The following PRIM2 variants were observed in gnomAD, a reference collection of about 807,000 sequenced individuals.
PRIM2 encodes DNA primase subunit 2, also known as DNA primase large subunit.
A neutral mutation model predicts 67.3 loss-of-function variants in PRIM2; 39 were observed. That is an observed-to-expected ratio of 0.58 (90% confidence interval 0.45 to 0.76). The LOEUF (loss-of-function observed/expected upper bound fraction) is 0.76, where lower values mean the gene tolerates loss of function less well. Ranked by LOEUF, PRIM2 falls within the 30% of genes least tolerant of loss-of-function variation. PRIM2 has a pLI of 0.00. For synonymous variants in PRIM2, 143 were observed against 198.7 expected, an observed-to-expected ratio of 0.72 and a Z score of 2.36; for missense variants, 398 against 598.7, an observed-to-expected ratio of 0.66 and a Z score of 3.50.
At chr6:57,476,923 A>T (rs1773491830) in intron 7 of PRIM2, among the ~76,000 whole-genome samples, 1 of 151,774 alleles carries the variant, frequency 6.6e-6, no homozygotes, top group African/African-American at 2.4e-5. Context: ...TCATTATGTG[A>T]TTTAAAACTT....
intron 11 of PRIM2, among the ~76,000 whole-genome samples, chr6:57,604,237 A>G (rs1369305800): frequency 1.3e-5 from 2 of 152,186 alleles, no homozygotes; most frequent in Non-Finnish European, 2.9e-5. Flanking sequence ...GTTGGCTGAG[A>G]TGGCACCACT....
chr6:57,318,503 G>T lies in PRIM2; in HGVS notation c.58G>T (p.Ala20Ser). The T allele has an allele frequency of 6.2e-7, 1 of 1,608,622 alleles. No homozygotes were observed. The highest frequency in any genetic ancestry group is 8.5e-7 in the Non-Finnish European group (1 of 1,177,310). The stretch of plus-strand genomic sequence containing the variant: ...GAGGTTGGCAGGTGACCAGAGGAAT[G>T]CTTCCTACCCTCATTGCCTTCAGTT... Reference protein sequence around the residue: ...KLRLAGDQRNASYPHCLQFYL... With the variant: ...KLRLAGDQRNSSYPHCLQFYL... The change falls in exon 2 of 14, where the codon GCT becomes TCT. Residue 20 changes from alanine (A) to serine (S), a missense_variant. Around this residue, in one of 4 missense-constraint regions of PRIM2, gnomAD observed 96 missense variants for 98.3 expected, o/e 0.98. Coordinates refer to ENST00000615550, the MANE Select transcript of PRIM2 (RefSeq NM_000947.5).
intron 10 of PRIM2, among the ~76,000 whole-genome samples, chr6:57,588,728 A>G (rs1346106366): frequency 6.6e-6 from 1 of 151,780 alleles, no homozygotes; most frequent in Non-Finnish European, 1.5e-5. Flanking sequence ...TTGAAATACT[A>G]TTTTCATATT....
chr6:57,350,733 C>G (rs2127300580), intron 5 of PRIM2, among the ~76,000 whole-genome samples: 1 of 152,232 alleles, frequency 6.6e-6, no homozygotes, highest in Middle Eastern at 3.4e-3. Flanking sequence ...CTTCCCTTTC[C>G]AGCTTGAACA....
chr6:57,631,578 CA>C (rs1441777880), intron 12 of PRIM2, among the ~76,000 whole-genome samples: 1 of 152,084 alleles, frequency 6.6e-6, no homozygotes, highest in Non-Finnish European at 1.5e-5. Flanking sequence ...AACTTCATTT[CA>C]AAAAGGACAA....
intron 10 of PRIM2, among the ~76,000 whole-genome samples, chr6:57,591,826 C>A (rs1234454891): frequency 1.3e-5 from 2 of 151,490 alleles, no homozygotes; most frequent in Non-Finnish European, 3.0e-5. Context: ...TACGTATATA[C>A]CCAAAGGAAA....
chr6:57,583,642 G>T (rs1776138562), intron 10 of PRIM2, among the ~76,000 whole-genome samples: 2 of 151,844 alleles, frequency 1.3e-5, no homozygotes, highest in East Asian at 1.9e-4. Context: ...ACATACGTGT[G>T]CATGTGTCTT....
In PRIM2 at chr6:57,379,392, AT is replaced by A. The variant is rs1297478952; in HGVS notation, c.460-503del. 2.0e-5 allele frequency among the ~76,000 whole-genome samples: 3 copies of A among 149,714 alleles called. No individual in the cohort carries two copies. The South Asian group carries it at 6.4e-4, about 32-fold the overall frequency. The stretch of plus-strand genomic sequence containing the variant: ...ACGCTTGTACTAATCAGATCTATCA[AT>A]TTTTTATAAAGCCATAATCAGTCTG... On this transcript the variant is annotated intron_variant, in intron 5 of 13. Transcript: ENST00000615550.
At chr6:57,538,648 C>T (rs1461639349) in intron 10 of PRIM2, among the ~76,000 whole-genome samples, 101 of 152,202 alleles carry the variant, frequency 6.6e-4, no homozygotes, top group African/African-American at 2.4e-3. Context: ...AATAAAATAC[C>T]GCAGACTGGT....
chr6:57,339,851 CA>C (rs1768406631), intron 5 of PRIM2, among the ~76,000 whole-genome samples: 1 of 151,954 alleles, frequency 6.6e-6, no homozygotes, highest in Admixed American at 6.6e-5. Context: ...CCAAAATTGA[CA>C]AATGGGATCT....
chr6:57,399,361 GAC>G (rs1378769262), intron 7 of PRIM2, among the ~76,000 whole-genome samples: 9 of 152,250 alleles, frequency 5.9e-5, no homozygotes, highest in South Asian at 4.1e-4. Context: ...CCCTACGAAG[GAC>G]ATGAACTCTT....
At chr6:57,468,855 T>C (rs1389949373) in intron 7 of PRIM2, among the ~76,000 whole-genome samples, 3 of 152,234 alleles carry the variant, frequency 2.0e-5, no homozygotes, top group Admixed American at 2.0e-4. Flanking sequence ...CATTTCTTCA[T>C]GTATGTTCAG....
chr6:57,545,441 T>A (rs1775270127), intron 10 of PRIM2, among the ~76,000 whole-genome samples: 1 of 152,158 alleles, frequency 6.6e-6, no homozygotes, highest in African/African-American at 2.4e-5. Context: ...TTATTATAAT[T>A]ATTTTTGAGA....
rs530970616 is a variant in PRIM2, at chr6:57,346,216, C to G, written c.459+20171C>G. Among the ~76,000 whole-genome samples the G allele has an allele frequency of 1.5e-4, 23 of 152,288 alleles. No homozygotes were observed. In the South Asian group the frequency reaches 4.4e-3, roughly 29 times the overall value. ...CAAGTGCGAGCCTCATTTGATCCAG[C>G]CTTTGTTCAAGATGGAGTTGCTCTC... On this transcript the variant is annotated intron_variant, in intron 5 of 13. Coordinates refer to ENST00000615550, the MANE Select transcript of PRIM2 (RefSeq NM_000947.5).
At chr6:57,328,874 G>T (rs1767961203) in intron 5 of PRIM2, among the ~76,000 whole-genome samples, 1 of 152,196 alleles carries the variant, frequency 6.6e-6, no homozygotes, top group African/African-American at 2.4e-5. Flanking sequence ...GAAGTGGTAT[G>T]TAATTGTGGT....
the PRIM2 span, among the ~76,000 whole-genome samples, chr6:57,259,013 T>A: frequency 6.6e-5 from 10 of 152,222 alleles, no homozygotes; most frequent in Non-Finnish European, 1.5e-4. Context: ...AGTAATTCAG[T>A]GCTTCTAAGT....
chr6:57,407,802 G>A (rs1177390662), intron 7 of PRIM2, among the ~76,000 whole-genome samples: 2 of 152,196 alleles, frequency 1.3e-5, no homozygotes, highest in African/African-American at 4.8e-5. Context: ...GATGGTGGTG[G>A]TAGTGGTGGT....
upstream of PRIM2, among the ~76,000 whole-genome samples, chr6:57,310,980 G>A (rs1236612762): frequency 2.0e-5 from 3 of 148,054 alleles, no homozygotes; most frequent in South Asian, 4.3e-4. Context: ...CAGACGAAGG[G>A]CGGCCGGGCA....
the PRIM2 span, among the ~76,000 whole-genome samples, chr6:57,296,072 T>G: frequency 1.3e-5 from 2 of 152,030 alleles, no homozygotes; most frequent in African/African-American, 4.8e-5. Flanking sequence ...GAATACTAAC[T>G]ATAACAAATG....
Sources: gnomAD v4.1 joint callset for allele counts (sites outside exome capture counted in the v4.1 genomes callset) on GRCh38, gnomAD v4.1.1 for gene constraint, gnomAD v4.1.1 regional missense constraint, MANE v1.5 for transcripts, NCBI Gene and HGNC (gene_info 2026-07-23, HGNC 2026-07-21) for gene names.